GNG2: variants seen among roughly 807,000 people sequenced by gnomAD.
The protein encoded by GNG2 is G protein subunit gamma 2.
GNG2 carries 5 observed loss-of-function variants against 5.5 expected under a neutral mutation model. The ratio of observed to expected loss-of-function variants is 0.91; its 90% CI spans 0.48 to 1.92. The LOEUF (loss-of-function observed/expected upper bound fraction) is 1.92, where lower values mean the gene tolerates loss of function less well. Ranked by LOEUF, GNG2 falls within the 30% of genes most tolerant of loss-of-function variation. The probability of loss-of-function intolerance (pLI) is 0.01; values close to 1 mark genes in which losing one functional copy is unlikely to be tolerated. For missense variants in GNG2, 55 were observed against 88.4 expected, an observed-to-expected ratio of 0.62 and a Z score of 1.52; for synonymous variants, 28 against 32.0, an observed-to-expected ratio of 0.88 and a Z score of 0.42.
At chr14:51,909,090 A>T (rs1886135432) in intron 2 of GNG2, among the ~76,000 whole-genome samples, 1 of 152,150 alleles carries the variant, frequency 6.6e-6, no homozygotes. Flanking sequence ...GTTTTCACTT[A>T]ACAGTATATT....
chr14:51,848,633 G>A (rs1881753891), intron 2 of GNG2, among the ~76,000 whole-genome samples: 1 of 152,170 alleles, frequency 6.6e-6, no homozygotes, highest in African/African-American at 2.4e-5. Flanking sequence ...ATCAGCCTGG[G>A]TATATTAGGA....
intron 2 of GNG2, chr14:51,877,983 C>T (rs549628469): frequency 3.4e-5 from 7 of 206,298 alleles, no homozygotes; most frequent in Non-Finnish European, 5.0e-5. Flanking sequence ...AGGGCATACC[C>T]TGTGCAAGAT....
intron 2 of GNG2, among the ~76,000 whole-genome samples, chr14:51,926,343 C>T (rs1887317837): frequency 2.0e-5 from 3 of 152,116 alleles, no homozygotes; most frequent in African/African-American, 2.4e-5. Context: ...ACAAATATTC[C>T]ATCTCTTCCC....
At chr14:51,910,990 T>C (rs1244734898) in intron 2 of GNG2, among the ~76,000 whole-genome samples, 1 of 152,260 alleles carries the variant, frequency 6.6e-6, no homozygotes, top group Non-Finnish European at 1.5e-5. Context: ...ACTTCCAAAA[T>C]GCATCACTGC....
intron 1 of GNG2, among the ~76,000 whole-genome samples, chr14:51,870,839 A>G (rs1470355927): frequency 6.6e-6 from 1 of 152,224 alleles, no homozygotes; most frequent in Non-Finnish European, 1.5e-5. Flanking sequence ...GGGAAATTTC[A>G]GTGGAATTGC....
intron 3 of GNG2, 54 bp downstream of exon 3, chr14:51,950,819 A>C (rs1888931940): frequency 1.9e-6 from 2 of 1,033,622 alleles, no homozygotes; most frequent in Non-Finnish European, 2.8e-6. Context: ...GGCGCATGTC[A>C]TGTGACCACT....
chr14:51,930,027 C>T (rs1337080612), intron 2 of GNG2, among the ~76,000 whole-genome samples: 1 of 152,200 alleles, frequency 6.6e-6, no homozygotes, highest in Non-Finnish European at 1.5e-5. Context: ...GTACCAATCA[C>T]CACTCCCTCT....
At chr14:51,930,988 A>G (rs1887626670) in intron 2 of GNG2, among the ~76,000 whole-genome samples, 1 of 152,132 alleles carries the variant, frequency 6.6e-6, no homozygotes, top group Non-Finnish European at 1.5e-5. Context: ...CCCACCTGCT[A>G]GAGAGGCTGA....
Position 51,967,775 on chromosome 14 carries a change from C to A in GNG2, c.*1088C>A, listed in dbSNP as rs562861677. 5.3e-5 allele frequency: 8 copies of A among 151,962 alleles called. No homozygotes were observed. The highest frequency in any genetic ancestry group is 5.2e-4 in the Admixed American group (8 of 15,260). 9.4% of individuals were successfully genotyped at this position (151,962 alleles called of 1,614,324 possible). A position where few individuals can be genotyped will look rare whatever the true frequency, so the allele number is the denominator to read the frequency against. On this transcript the variant is annotated 3_prime_UTR_variant, in exon 4 of 4. Coordinates refer to ENST00000556766, the MANE Select transcript of GNG2 (RefSeq NM_053064.5). ...CTTTTGCCATGAGTATGAGCAAATT[C>A]CCTCTTTCCCTGAATCATGGACATT...
At chr14:51,890,976 A>G (rs1303700545) in intron 2 of GNG2, among the ~76,000 whole-genome samples, 1 of 152,174 alleles carries the variant, frequency 6.6e-6, no homozygotes, top group Non-Finnish European at 1.5e-5. Context: ...AGAACAGTAC[A>G]TTCTTTAGAG....
At chr14:51,826,950 G>A (rs374921545) in intron 1 of GNG2, among the ~76,000 whole-genome samples, 12 of 152,206 alleles carry the variant, frequency 7.9e-5, no homozygotes, top group East Asian at 5.8e-4. Flanking sequence ...GGAGCAATGA[G>A]AAGATAAGTT....
chr14:51,943,132 G>GC (rs1304699782), intron 2 of GNG2, among the ~76,000 whole-genome samples: 6 of 152,166 alleles, frequency 3.9e-5, no homozygotes, highest in African/African-American at 1.4e-4. Flanking sequence ...GCCAGTGTGG[G>GC]CCCTACAAAG....
At chr14:51,908,565 T>TCC (rs770383098) in intron 2 of GNG2, among the ~76,000 whole-genome samples, 5 of 125,322 alleles carry the variant, frequency 4.0e-5, no homozygotes, top group African/African-American at 1.3e-4. Context: ...TATCTATCCA[T>TCC]ATATATAGAG....
chr14:51,896,945 A>G (rs1378447584), intron 2 of GNG2, among the ~76,000 whole-genome samples: 1 of 152,244 alleles, frequency 6.6e-6, no homozygotes, highest in Non-Finnish European at 1.5e-5. Flanking sequence ...AAAGATGAAT[A>G]TATGAATTAT....
At chr14:51,866,793 C>T (rs188969253) in intron 1 of GNG2, among the ~76,000 whole-genome samples, 36 of 152,306 alleles carry the variant, frequency 2.4e-4, no homozygotes, top group South Asian at 6.2e-4. Context: ...GTCCTAATAC[C>T]ATTGCACTGG....
upstream of GNG2, among the ~76,000 whole-genome samples, chr14:51,857,142 C>G (rs575554022): frequency 6.6e-6 from 1 of 152,212 alleles, no homozygotes; most frequent in East Asian, 1.9e-4. Context: ...GGCTTTAGTG[C>G]TGAAATGGAA....
chr14:51,843,826 G>A (rs747014784), intron 2 of GNG2, among the ~76,000 whole-genome samples: 11 of 152,104 alleles, frequency 7.2e-5, no homozygotes, highest in Non-Finnish European at 1.6e-4. Context: ...CACACAGCCT[G>A]GCCTTTTGGT....
chr14:51,867,173 C>G (rs1882954006), intron 1 of GNG2, among the ~76,000 whole-genome samples: 1 of 152,296 alleles, frequency 6.6e-6, no homozygotes, highest in South Asian at 2.1e-4. Context: ...TATGAGTGTT[C>G]TCAAGATACG....
chr14:51,930,045 G>A (rs377591705), intron 2 of GNG2, among the ~76,000 whole-genome samples: 27 of 152,206 alleles, frequency 1.8e-4, no homozygotes, highest in Admixed American at 1.1e-3. Flanking sequence ...TCTCTGTAAG[G>A]TGGCCCATTC....
Sources: allele counts gnomAD v4.1 joint callset (sites outside exome capture counted in the v4.1 genomes callset), GRCh38; gene constraint gnomAD v4.1.1; transcripts MANE v1.5; gene names NCBI Gene and HGNC (gene_info 2026-07-23, HGNC 2026-07-21).